The following DEAF1 variants were observed in gnomAD, a reference collection of about 807,000 sequenced individuals.
The protein encoded by DEAF1 is DEAF1 transcription factor.
A neutral mutation model predicts 58.9 loss-of-function variants in DEAF1; 53 were observed. That is an observed-to-expected ratio of 0.90 (90% CI 0.72 to 1.13). The LOEUF (loss-of-function observed/expected upper bound fraction) is 1.13, where lower values mean the gene tolerates loss of function less well. Among genes scored for constraint, DEAF1 ranks in the 50% most tolerant of loss-of-function variants. The pLI is 0.00. For missense variants in DEAF1, 685 were observed against 791.4 expected (o/e 0.87, Z 1.61); for synonymous variants, 385 against 340.4 (o/e 1.13, Z -1.44).
At chr11:684,122 T>G (rs937082394) in intron 6 of DEAF1, among the ~76,000 whole-genome samples, 3 of 91,680 alleles carry the variant, frequency 3.3e-5, no homozygotes, top group African/African-American at 1.2e-4. Context: ...CTCTCCATGC[T>G]CTTTTTTTTT....
chr11:694,284 G>A (rs1435065991), intron 1 of DEAF1, among the ~76,000 whole-genome samples: 4 of 151,114 alleles, frequency 2.6e-5, no homozygotes, highest in Non-Finnish European at 5.9e-5. Flanking sequence ...AGGTCACCAG[G>A]GGCAGGTGTG....
rs373166398 is a variant in DEAF1, at chr11:674,711, T to C, written c.1328A>G (p.Asn443Ser). Residue 443 changes from asparagine to serine, a missense_variant, in exon 10 of 12, where the codon AAT becomes AGT. Physicochemically the swap from Asn to Ser is conservative, Grantham distance 46. Transcript: ENST00000382409. Reference protein sequence around the residue: ...PTKAAPPALVNGLELSEPRSW... With the variant: ...PTKAAPPALVSGLELSEPRSW... Reference sequence around the variant, plus strand: ...CCGCGGCTCTGACAGCTCCAGCCCATTGACCAACGCGGGAGGTGCCGCTTT... The same window carrying C: ...CCGCGGCTCTGACAGCTCCAGCCCACTGACCAACGCGGGAGGTGCCGCTTT... 54 of 1,613,824 alleles carry C rather than the reference T, an allele frequency of 3.3e-5. No homozygotes were observed. Among genetic ancestry groups the C allele is most frequent in the East Asian group, 4.5e-5 (2 of 44,896 alleles).
chr11:655,482 GCC>G lies in DEAF1; in HGVS notation c.1504-1433_1504-1432del, dbSNP rs1318066517. On this transcript the variant is annotated intron_variant, in intron 10 of 11. Coordinates refer to ENST00000382409, the MANE Select transcript of DEAF1 (RefSeq NM_021008.4). Reference sequence around the variant, plus strand: ...TCTCTGAGACGGAGAAGACCACTGGGCCTAGGAGAGGCCTTGGCGCCGCGACC... The same window carrying G: ...TCTCTGAGACGGAGAAGACCACTGGGTAGGAGAGGCCTTGGCGCCGCGACC... Among the ~76,000 whole-genome samples the G allele has an allele frequency of 2.6e-5, 4 of 152,268 alleles. No individual in the cohort carries two copies. The East Asian group carries it at 7.7e-4, about 29-fold the overall frequency.
intron 10 of DEAF1, 109 bp from the exon 11 acceptor site, chr11:654,160 AC>A (rs56079259): frequency 0.034 from 18,934 of 555,440 alleles, 649 homozygotes; most frequent in Admixed American, 0.11. Context: ...CCCCCATTGG[AC>A]CCCCTTTTTT....
rs1274566323 is a variant in DEAF1, at chr11:688,513, G to A, written c.388-53C>T. ...CACGTCCGAGAGTGACACCAGGCGT[G>A]TCACTGAGCCCAGCTGGGCCGTCCT... On this transcript the variant is annotated intron_variant, in intron 2 of 11. Transcript: ENST00000382409. The surrounding 1 kb of genome is among the most constrained non-coding windows in gnomAD (Gnocchi z 4.3). The A allele has an allele frequency of 1.9e-6, 3 of 1,610,804 alleles. No homozygotes were observed. Among genetic ancestry groups the A allele is most frequent in the African/African-American group, 1.3e-5 (1 of 75,030 alleles).
intron 10 of DEAF1, among the ~76,000 whole-genome samples, chr11:667,574 G>C (rs928574520): frequency 1.3e-5 from 2 of 152,138 alleles, no homozygotes; most frequent in African/African-American, 4.8e-5. Flanking sequence ...GGCCGAGGCA[G>C]GTGAATCACC....
chr11:671,334 C>T (rs1389626263), intron 10 of DEAF1, among the ~76,000 whole-genome samples: 1 of 151,916 alleles, frequency 6.6e-6, no homozygotes, highest in Non-Finnish European at 1.5e-5. Context: ...GAGTCTCCTG[C>T]CTCAGCCTCC....
At chr11:695,811 C>CGGGCG (rs1861109218), upstream of DEAF1, 1 of 1,232,202 alleles carries the variant, frequency 8.1e-7, no homozygotes, top group Non-Finnish European at 1.0e-6. Flanking sequence ...GACGGACCGG[C>CGGGCG]GGGCGGGGCG....
intron 2 of DEAF1, among the ~76,000 whole-genome samples, chr11:690,446 C>T (rs1008087369): frequency 1.3e-5 from 2 of 150,596 alleles, no homozygotes; most frequent in African/African-American, 4.9e-5. Context: ...GCCATTCTAA[C>T]AATAACTGTG....
At chr11:694,506 G>C (rs187466094) in intron 1 of DEAF1, 2 of 356,068 alleles carry the variant, frequency 5.6e-6, no homozygotes, top group Admixed American at 9.8e-5. Context: ...GGGCGGGTGG[G>C]GCAGGTGTGA....
intron 10 of DEAF1, among the ~76,000 whole-genome samples, chr11:656,865 CTTT>C (rs576045088): frequency 6.8e-6 from 1 of 147,158 alleles, no homozygotes; most frequent in African/African-American, 2.5e-5. Flanking sequence ...CTTTGCAAAA[CTTT>C]TTTTTTTTTT....
At chr11:689,500 C>T (rs533079495) in intron 2 of DEAF1, among the ~76,000 whole-genome samples, 11 of 152,132 alleles carry the variant, frequency 7.2e-5, no homozygotes, top group African/African-American at 2.7e-4. Context: ...CAGGAGCCAC[C>T]GCGCCCAGCT....
At position 675,765 on chromosome 11, in the gene DEAF1, A is replaced by C. The variant is rs1016582618; in HGVS notation, c.1256-982T>G. On this transcript the variant is annotated intron_variant, in intron 9 of 11. Coordinates refer to ENST00000382409, the MANE Select transcript of DEAF1 (RefSeq NM_021008.4). ...AACCTGGGAGGCAGAAGTTGTGGTG[A>C]GCCGAGATGGTGCCAGTGGACTCAA... is the stretch of plus-strand genomic sequence containing the variant. 5.9e-5 allele frequency among the ~76,000 whole-genome samples: 9 copies of C among 152,256 alleles called. No individual in the cohort carries two copies. The South Asian group carries it at 1.9e-3, about 32-fold the overall frequency.
chr11:676,545 C>T (rs930134460), intron 9 of DEAF1, among the ~76,000 whole-genome samples: 1 of 151,846 alleles, frequency 6.6e-6, no homozygotes, highest in African/African-American at 2.4e-5. Flanking sequence ...CAGAGTCTCG[C>T]TGTGTCGCCC....
Position 678,796 on chromosome 11 carries a change from A to G in DEAF1, c.1153T>C (p.Cys385Arg), listed in dbSNP as rs372788390. 5.6e-6 allele frequency: 9 copies of G among 1,613,994 alleles called. No homozygotes were observed. The change falls in exon 9 of 12, where the codon TGC (cysteine) becomes CGC (arginine). Residue 385 changes from cysteine (C) to arginine (R), a missense_variant. This residue lies in a region of DEAF1 where 343 missense variants were observed against 379.8 expected (regional missense o/e 0.90). Coordinates refer to ENST00000382409, the MANE Select transcript of DEAF1 (RefSeq NM_021008.4). ...TVQEASVQPP[C>R]RASHPEPHYP... ...TGAGGCTCAGGGTGGCTGGCCCTGC[A>G]TGGGGGCTGCACGCTGGCCTCTTGG...
Position 688,449 on chromosome 11 carries a change from C to T in DEAF1, c.399G>A (p.Thr133=), listed in dbSNP as rs199729614. 6.1e-5 allele frequency: 99 copies of T among 1,613,774 alleles called. No homozygotes were observed. Among genetic ancestry groups the T allele is most frequent in the Non-Finnish European group, 5.5e-5 (65 of 1,180,004 alleles). The change falls in exon 3 of 12, where the codon ACG becomes ACA. Residue 133 remains threonine (T), a synonymous_variant. Transcript: ENST00000382409. This position sits in a 1 kb window ranked among gnomAD's most constrained non-coding sequence, Gnocchi z 4.3. ...TCAGGCTGTCCCCGATCTGAAGGGC[C>T]GTCCTACCAGACTAGAAGGAAAAAC... The part of the protein sequence containing the change: ...SISGHVLSGR[T]ALQIGDSLNT...
chr11:678,056 G>A (rs886770955), intron 9 of DEAF1, among the ~76,000 whole-genome samples: 4 of 151,354 alleles, frequency 2.6e-5, no homozygotes, highest in Non-Finnish European at 4.4e-5. Flanking sequence ...AGGCTGAGGC[G>A]GATGGATCAC....
At chr11:648,438 G>A (rs375618837) in intron 11 of DEAF1, among the ~76,000 whole-genome samples, 11 of 152,130 alleles carry the variant, frequency 7.2e-5, no homozygotes, top group South Asian at 6.2e-4. Context: ...CTCGTGATCC[G>A]CCCGCCTCGG....
intron 9 of DEAF1, among the ~76,000 whole-genome samples, chr11:676,441 T>C (rs1860084320): frequency 6.7e-6 from 1 of 150,202 alleles, no homozygotes; most frequent in Non-Finnish European, 1.5e-5. Context: ...CCCAGCTCCA[T>C]GTTGTACAAC....
Sources: gnomAD v4.1 joint callset for allele counts (sites outside exome capture counted in the v4.1 genomes callset) on GRCh38, gnomAD v4.1.1 for gene constraint, gnomAD v4.1.1 regional missense constraint, Gnocchi (gnomAD v3.1) non-coding constraint, MANE v1.5 for transcripts, NCBI Gene and HGNC (gene_info 2026-07-23, HGNC 2026-07-21) for gene names.